KRT86: variants seen among roughly 807,000 people sequenced by gnomAD.
KRT86 encodes keratin 86, also known as keratin, type II cuticular Hb6.
KRT86 carries 30 observed loss-of-function variants against 41.2 expected under a neutral mutation model. The ratio of observed to expected loss-of-function variants is 0.73; its 90% CI spans 0.54 to 0.99. KRT86 has a LOEUF of 0.99. Among genes scored for constraint, KRT86 ranks in the 50% least tolerant of loss-of-function variants. The pLI is 0.00. For synonymous variants in KRT86, 238 were observed against 238.1 expected, an observed-to-expected ratio of 1.00 and a Z score of 0.00; for missense variants, 561 against 571.4, an observed-to-expected ratio of 0.98 and a Z score of 0.19.
chr12:52,287,403 C>T (rs1937982418), intron 2 of KRT86: 1 of 1,586,180 alleles, frequency 6.3e-7, no homozygotes, highest in Admixed American at 1.8e-5. Context: ...ACACTCCCCA[C>T]CAAGCTGGGA....
intron 2 of KRT86, chr12:52,287,284 C>T: frequency 6.2e-7 from 1 of 1,614,086 alleles, no homozygotes; most frequent in East Asian, 2.2e-5. Context: ...CCTCACCCTG[C>T]TGCTCAGACT....
intron 8 of KRT86, 55 bp from the exon 9 acceptor site, chr12:52,306,005 A>G: frequency 6.2e-7 from 1 of 1,605,998 alleles, no homozygotes; most frequent in South Asian, 1.1e-5. Context: ...CATCGAGGTA[A>G]GCATCAGAGA....
intron 2 of KRT86, among the ~76,000 whole-genome samples, chr12:52,299,995 G>T (rs1002232890): frequency 6.6e-6 from 1 of 152,116 alleles, no homozygotes; most frequent in Admixed American, 6.6e-5. Flanking sequence ...TTGGTTTTGA[G>T]GTCTCAATCA....
intron 2 of KRT86, among the ~76,000 whole-genome samples, chr12:52,290,534 A>AC (rs759612226): frequency 0.3 from 1,809 of 6,116 alleles, 603 homozygotes; most frequent in East Asian, 0.46. Flanking sequence ...GAGTTGAGTG[A>AC]CCCCCCCCCC....
chr12:52,300,966 A>G (rs61914256), intron 2 of KRT86, among the ~76,000 whole-genome samples: 1 of 152,104 alleles, frequency 6.6e-6, no homozygotes, highest in African/African-American at 2.4e-5. Flanking sequence ...CTGAGGCCGC[A>G]TGGGACACTC....
chr12:52,299,947 A>T (rs1358621526), intron 2 of KRT86, among the ~76,000 whole-genome samples: 1 of 152,130 alleles, frequency 6.6e-6, no homozygotes, highest in African/African-American at 2.4e-5. Flanking sequence ...TTTTAGCTCG[A>T]TGTGATCCCA....
chr12:52,288,540 G>C, intron 2 of KRT86: 1 of 1,530,544 alleles, frequency 6.5e-7, no homozygotes, highest in Non-Finnish European at 9.1e-7. Flanking sequence ...ATTCCATGTA[G>C]CCAGGGGAAA....
At chr12:52,291,470 C>A in intron 2 of KRT86, 1 of 1,612,816 alleles carries the variant, frequency 6.2e-7, no homozygotes, top group Non-Finnish European at 8.5e-7. Flanking sequence ...GGTCATGATC[C>A]TCCTGGACGT....
Position 52,299,779 on chromosome 12 carries a change from A to C in KRT86, c.-4-2134A>C, listed in dbSNP as rs144364273. Among the ~76,000 whole-genome samples, 15 of 152,300 alleles carry C rather than the reference A, an allele frequency of 9.8e-5. No individual in the cohort carries two copies. In the East Asian group the frequency reaches 2.9e-3, roughly 29 times the overall value. On this transcript the variant is annotated intron_variant, in intron 2 of 10. Coordinates refer to ENST00000423955, the MANE Select transcript of KRT86 (RefSeq NM_001320198.2). ...CTATTCAGATCTTTTGCCCATTTTA[A>C]AATCAGATTATTTGGTTTACTTGCT...
In KRT86 at chr12:52,275,953, G is replaced by C; in HGVS notation, c.-5+7G>C. 1.0e-6 allele frequency: 1 copy of C among 985,990 alleles called. No homozygotes were observed. The allele number at this position is 985,990 out of a possible 1,614,324, so 61.1% of individuals were successfully genotyped here. A position where few individuals can be genotyped will look rare whatever the true frequency, so the allele number is the denominator to read the frequency against. ...GGGCAGTGCTGAGAGTCAGGTGAGA[G>C]GTGGGAGTGGGGGGCAACAGAGTGG... On this transcript the variant is annotated splice_region_variant and intron_variant, in intron 2 of 10. Coordinates refer to ENST00000423955, the MANE Select transcript of KRT86 (RefSeq NM_001320198.2).
chr12:52,305,054 C>T, intron 6 of KRT86, 27 bp downstream of exon 6: 3 of 1,613,212 alleles, frequency 1.9e-6, no homozygotes, highest in Non-Finnish European at 1.7e-6. Flanking sequence ...CAGGCAGAGA[C>T]CTGGCAGCCA....
chr12:52,285,888 A>C, intron 2 of KRT86: 1 of 341,322 alleles, frequency 2.9e-6, no homozygotes, highest in Non-Finnish European at 5.6e-6. Context: ...TGAGGAGGGT[A>C]ATAGAGACAC....
chr12:52,293,119 T>A (rs995099844), intron 2 of KRT86, among the ~76,000 whole-genome samples: 1 of 152,208 alleles, frequency 6.6e-6, no homozygotes, highest in African/African-American at 2.4e-5. Context: ...TTTCCCCCTG[T>A]ATTAGGAAAA....
rs751427480 is a variant in KRT86, at chr12:52,308,595, G to A, written c.*10G>A. The A allele has an allele frequency of 1.3e-6, 2 of 1,592,696 alleles. No individual in the cohort carries two copies. Among genetic ancestry groups the A allele is most frequent in the African/African-American group, 2.7e-5 (2 of 74,944 alleles). On this transcript the variant is annotated 3_prime_UTR_variant, in exon 11 of 11. Transcript: ENST00000423955. ...CTGTAAGAGGTGCTAGGAGGCTGCCGCCTCCGCCAGCGCCTGTCGCCGTCA... is the reference window on the plus strand; with the variant it reads ...CTGTAAGAGGTGCTAGGAGGCTGCCACCTCCGCCAGCGCCTGTCGCCGTCA...
At chr12:52,293,246 A>G (rs555769712) in intron 2 of KRT86, among the ~76,000 whole-genome samples, 1 of 152,328 alleles carries the variant, frequency 6.6e-6, no homozygotes, top group East Asian at 1.9e-4. Flanking sequence ...TATATATCGT[A>G]AATGATCTCT....
intron 2 of KRT86, among the ~76,000 whole-genome samples, chr12:52,300,842 T>TA (rs890259717): frequency 2.8e-4 from 43 of 152,344 alleles, no homozygotes; most frequent in Non-Finnish European, 2.1e-4. Flanking sequence ...CCAGACCTTC[T>TA]AGGCCCTGGA....
Position 52,305,712 on chromosome 12 carries a change from G to A in KRT86, c.950G>A (p.Arg317His), listed in dbSNP as rs557621183. Residue 317 changes from arginine to histidine, a missense_variant, in exon 8 of 11, where the codon CGC (arginine) becomes CAC (histidine). Arg to His is a conservative substitution (Grantham distance 29). This residue lies in a region of KRT86 where 397 missense variants were observed against 375.9 expected (regional missense o/e 1.06). Coordinates refer to ENST00000423955, the MANE Select transcript of KRT86 (RefSeq NM_001320198.2). ...TVIRHGETLRRTKEEINELNR... is the reference protein window; with the variant it reads ...TVIRHGETLRHTKEEINELNR... Reference sequence around the variant, plus strand: ...ATCAGGCACGGGGAGACCCTGCGCCGCACCAAGGAGGAGATCAACGAGCTG... The same window carrying A: ...ATCAGGCACGGGGAGACCCTGCGCCACACCAAGGAGGAGATCAACGAGCTG... 17 of 1,614,064 alleles carry A rather than the reference G, an allele frequency of 1.1e-5. No individual in the cohort carries two copies. Among genetic ancestry groups the A allele is most frequent in the South Asian group, 4.4e-5 (4 of 91,078 alleles).
chr12:52,300,179 A>G (rs1484388145), intron 2 of KRT86, among the ~76,000 whole-genome samples: 1 of 152,242 alleles, frequency 6.6e-6, no homozygotes, highest in Non-Finnish European at 1.5e-5. Flanking sequence ...AAATAATTTT[A>G]CATGGTGACT....
intron 2 of KRT86, among the ~76,000 whole-genome samples, chr12:52,282,194 C>A (rs889747029): frequency 9.9e-5 from 15 of 151,806 alleles, no homozygotes; most frequent in South Asian, 2.1e-4. Flanking sequence ...TATTATTTCA[C>A]TTACTGGAAT....
Sources: allele counts gnomAD v4.1 joint callset (sites outside exome capture counted in the v4.1 genomes callset), GRCh38; gene constraint gnomAD v4.1.1; regional missense constraint gnomAD v4.1.1; transcripts MANE v1.5; gene names NCBI Gene and HGNC (gene_info 2026-07-23, HGNC 2026-07-21).